Variants in STX8 observed in about 807,000 individuals in gnomAD.
The protein encoded by STX8 is syntaxin 8, also known as syntaxin-8.
A neutral mutation model predicts 37.5 loss-of-function variants in STX8; 23 were observed. That is an observed-to-expected ratio of 0.61 (90% confidence interval 0.44 to 0.87). The LOEUF is 0.87. Ranked by LOEUF, STX8 falls within the 40% of genes least tolerant of loss-of-function variation. The pLI is 0.00. For synonymous variants in STX8, 115 were observed against 99.1 expected, an observed-to-expected ratio of 1.16 and a Z score of -0.95; for missense variants, 313 against 284.7, an observed-to-expected ratio of 1.10 and a Z score of -0.71.
At chr17:9,379,697 G>A (rs143327518) in intron 6 of STX8, among the ~76,000 whole-genome samples, 3 of 152,098 alleles carry the variant, frequency 2.0e-5, no homozygotes, top group South Asian at 2.1e-4. Flanking sequence ...GGCTGGGCAC[G>A]GTGGCTCACA....
rs534261543 is a variant in STX8 at position 9,502,829 on chromosome 17, G to A, written c.448+2209C>T. On this transcript the variant is annotated intron_variant, in intron 5 of 7. Transcript: ENST00000306357. ...TATAAGAGTGAAATGCAGGCCGGGCGCGGTGGCTCATGCCTGTAATCCCAG... is the reference window on the plus strand; with the variant it reads ...TATAAGAGTGAAATGCAGGCCGGGCACGGTGGCTCATGCCTGTAATCCCAG... Among the ~76,000 whole-genome samples, 13 of 152,170 alleles carry A rather than the reference G, an allele frequency of 8.5e-5. No homozygotes were observed. The East Asian group carries it at 9.6e-4, about 11-fold the overall frequency.
intron 6 of STX8, among the ~76,000 whole-genome samples, chr17:9,436,294 G>C (rs1170947296): frequency 6.6e-6 from 1 of 150,722 alleles, no homozygotes; most frequent in East Asian, 1.9e-4. Flanking sequence ...GCAGTGAGTT[G>C]AGATCGTGCC....
At chr17:9,291,597 ATATTT>A (rs1908314633) in intron 7 of STX8, among the ~76,000 whole-genome samples, 1 of 152,200 alleles carries the variant, frequency 6.6e-6, no homozygotes, top group Non-Finnish European at 1.5e-5. Context: ...GGAATTGGAC[ATATTT>A]TATTTACGTT....
chr17:9,494,412 T>G (rs1212478668), intron 5 of STX8, among the ~76,000 whole-genome samples: 1 of 151,406 alleles, frequency 6.6e-6, no homozygotes, highest in African/African-American at 2.4e-5. Flanking sequence ...GCAGATCACT[T>G]AAGCCCAGGA....
At chr17:9,274,927 T>C (rs1907618303) in intron 7 of STX8, among the ~76,000 whole-genome samples, 1 of 151,122 alleles carries the variant, frequency 6.6e-6, no homozygotes, top group South Asian at 2.1e-4. Flanking sequence ...ATTTTTGTAT[T>C]TTTAGTAGAG....
At chr17:9,326,136 T>TC (rs1358178955) in intron 7 of STX8, among the ~76,000 whole-genome samples, 8 of 151,822 alleles carry the variant, frequency 5.3e-5, no homozygotes, top group Admixed American at 5.2e-4. Context: ...TTCCTTTTTT[T>TC]TTTTTTCTTT....
At chr17:9,420,366 C>T (rs931626703) in intron 6 of STX8, among the ~76,000 whole-genome samples, 9 of 152,258 alleles carry the variant, frequency 5.9e-5, no homozygotes, top group South Asian at 2.1e-4. Flanking sequence ...CTAAAGGGCA[C>T]GACTCCGCCA....
intron 4 of STX8, among the ~76,000 whole-genome samples, chr17:9,534,689 G>A (rs1370676360): frequency 6.6e-6 from 1 of 152,078 alleles, no homozygotes; most frequent in Non-Finnish European, 1.5e-5. Flanking sequence ...TTGGGAGGCT[G>A]AGGCAGGAAA....
chr17:9,455,986 G>C (rs1905175763), intron 6 of STX8, among the ~76,000 whole-genome samples: 2 of 152,032 alleles, frequency 1.3e-5, no homozygotes, highest in African/African-American at 4.8e-5. Context: ...CTGGGATCTG[G>C]GGGCACAATT....
At chr17:9,307,149 T>A (rs557608403) in intron 7 of STX8, among the ~76,000 whole-genome samples, 2 of 152,052 alleles carry the variant, frequency 1.3e-5, no homozygotes, top group African/African-American at 4.8e-5. Flanking sequence ...AGTAAGTAAA[T>A]AAATAAATAA....
At chr17:9,542,861 G>A (rs79439050) in intron 4 of STX8, among the ~76,000 whole-genome samples, 1 of 152,058 alleles carries the variant, frequency 6.6e-6, no homozygotes, top group Non-Finnish European at 1.5e-5. Context: ...AGGTGATGCT[G>A]ATGCTGCTTA....
At chr17:9,271,748 CA>C (rs71135959) in intron 7 of STX8, among the ~76,000 whole-genome samples, 4,341 of 63,492 alleles carry the variant, frequency 0.068, 138 homozygotes, top group African/African-American at 0.2. Flanking sequence ...GACTCCATCT[CA>C]AAAAAAAAAA....
chr17:9,286,773 G>A (rs1481346355), intron 7 of STX8, among the ~76,000 whole-genome samples: 3 of 151,630 alleles, frequency 2.0e-5, no homozygotes, highest in African/African-American at 4.8e-5. Flanking sequence ...AATATTGTTC[G>A]GTGTGGTAAA....
At chr17:9,564,166 C>T (rs1379046091) in intron 2 of STX8, among the ~76,000 whole-genome samples, 1 of 152,078 alleles carries the variant, frequency 6.6e-6, no homozygotes, top group Non-Finnish European at 1.5e-5. Flanking sequence ...CAGCATTCCA[C>T]TTGAAAACTG....
intron 3 of STX8, chr17:9,555,329 C>T (rs1906923287): frequency 6.6e-6 from 1 of 152,114 alleles, no homozygotes; most frequent in Admixed American, 6.5e-5. Flanking sequence ...TCTCTAATAA[C>T]TAGCAGAAAT....
intron 4 of STX8, among the ~76,000 whole-genome samples, chr17:9,542,221 G>T (rs1039233184): frequency 6.6e-6 from 1 of 151,900 alleles, no homozygotes; most frequent in South Asian, 2.1e-4. Flanking sequence ...AGCCAGGCGT[G>T]GTAGTGCGTG....
Position 9,507,220 on chromosome 17 carries a change from C to G in STX8, c.324-2058G>C, listed in dbSNP as rs1904871381. Among the ~76,000 whole-genome samples, 1 of 152,032 alleles carries G rather than the reference C, an allele frequency of 6.6e-6. No individual in the cohort carries two copies. The highest frequency in any genetic ancestry group is 6.5e-5 in the Admixed American group (1 of 15,280). On this transcript the variant is annotated intron_variant, in intron 4 of 7. Coordinates refer to ENST00000306357, the MANE Select transcript of STX8 (RefSeq NM_004853.3). This position sits in a 1 kb window ranked among gnomAD's most constrained non-coding sequence, Gnocchi z 4.0. Reference sequence around the variant, plus strand: ...CATGCCCCCGGCCTGCCCAAAGGCCCCACACCTCAATCAGGGCCTGAGAAA... The same window carrying G: ...CATGCCCCCGGCCTGCCCAAAGGCCGCACACCTCAATCAGGGCCTGAGAAA...
Position 9,250,643 on chromosome 17 carries a change from T to G in STX8, c.646A>C (p.Met216Leu). 1 of 1,595,192 alleles carries G rather than the reference T, an allele frequency of 6.3e-7. No homozygotes were observed. Residue 216 changes from methionine (M) to leucine (L), a missense_variant and splice_region_variant, in exon 8 of 8, where the codon ATG (methionine) becomes CTG (leucine). Transcript: ENST00000306357. ...AGCAGCAGTAAAATCACCATGATCA[T>G]CCCTGGAAAAAAGCAGCAGAAAATA... ...MVDRKSASCG[M>L]IMVILLLLVA...
At chr17:9,522,015 T>G (rs1013645357) in intron 4 of STX8, among the ~76,000 whole-genome samples, 1 of 152,074 alleles carries the variant, frequency 6.6e-6, no homozygotes, top group Non-Finnish European at 1.5e-5. Context: ...AGAATAGAAA[T>G]ACAGGGTAGA....
Sources: allele counts gnomAD v4.1 joint callset (sites outside exome capture counted in the v4.1 genomes callset), GRCh38; gene constraint gnomAD v4.1.1; non-coding constraint Gnocchi (gnomAD v3.1); transcripts MANE v1.5; gene names NCBI Gene and HGNC (gene_info 2026-07-23, HGNC 2026-07-21).